The following CNTNAP5 variants were observed in gnomAD, a reference collection of about 807,000 sequenced individuals.
The protein encoded by CNTNAP5 is contactin associated protein family member 5.
Under a neutral mutation model 150.2 loss-of-function variants are expected in CNTNAP5, and 72 were observed. The observed-to-expected ratio is 0.48, with a 90% CI of 0.40 to 0.58. CNTNAP5 has a LOEUF of 0.58. Ranked by LOEUF, CNTNAP5 falls within the 20% of genes least tolerant of loss-of-function variation. The probability of loss-of-function intolerance (pLI) is 0.00; values close to 1 mark genes in which losing one functional copy is unlikely to be tolerated. For missense variants in CNTNAP5, 1,636 were observed against 1,626.2 expected, an observed-to-expected ratio of 1.01 and a Z score of -0.10; for synonymous variants, 672 against 619.8, an observed-to-expected ratio of 1.08 and a Z score of -1.25.
intron 3 of CNTNAP5, among the ~76,000 whole-genome samples, chr2:124,253,259 G>A (rs926297810): frequency 6.6e-5 from 10 of 151,974 alleles, no homozygotes; most frequent in African/African-American, 2.4e-4. Flanking sequence ...CCAAGAACTT[G>A]TAAAAGACAC....
chr2:124,789,814 A>ACTTAACT, intron 17 of CNTNAP5, 88 bp from the exon 18 acceptor site: 1 of 1,211,498 alleles, frequency 8.3e-7, no homozygotes, highest in Non-Finnish European at 1.2e-6. Flanking sequence ...ACAGAGAACT[A>ACTTAACT]CTTAACTCTT....
At chr2:124,865,259 T>G (rs1295922488) in intron 19 of CNTNAP5, 47 bp from the exon 20 acceptor site, 2 of 1,484,442 alleles carry the variant, frequency 1.3e-6, no homozygotes, top group African/African-American at 1.4e-5. Flanking sequence ...TCTTTGCATT[T>G]TATAGGTGCT....
At chr2:124,091,277 G>GGGGGCAGGTTGTCCAGGCCTGAATT (rs1682806594) in intron 1 of CNTNAP5, among the ~76,000 whole-genome samples, 1 of 152,180 alleles carries the variant, frequency 6.6e-6, no homozygotes, top group Non-Finnish European at 1.5e-5. Flanking sequence ...AATTTAGGGT[G>GGGGGCAGGTTGTCCAGGCCTGAATT]GGGGCAGGTT....
chr2:124,278,350 C>T (rs1207062221), intron 3 of CNTNAP5, among the ~76,000 whole-genome samples: 2 of 152,114 alleles, frequency 1.3e-5, no homozygotes, highest in South Asian at 2.1e-4. Context: ...AAAAGTAAGG[C>T]ATTTGCTCCT....
intron 21 of CNTNAP5, among the ~76,000 whole-genome samples, chr2:124,892,454 G>A (rs1196500117): frequency 1.3e-5 from 2 of 152,066 alleles, no homozygotes; most frequent in African/African-American, 4.8e-5. Context: ...TATACTGGCA[G>A]CCACCTCATC....
At chr2:124,895,679 A>G (rs778194744) in intron 21 of CNTNAP5, among the ~76,000 whole-genome samples, 1 of 151,604 alleles carries the variant, frequency 6.6e-6, no homozygotes, top group African/African-American at 2.4e-5. Flanking sequence ...CCCTTTCTTC[A>G]AGAAACTGAT....
chr2:124,082,565 A>G (rs1046146076), intron 1 of CNTNAP5, among the ~76,000 whole-genome samples: 11 of 152,210 alleles, frequency 7.2e-5, no homozygotes, highest in Non-Finnish European at 1.5e-4. Context: ...CTATCAAAAG[A>G]TAATACATTG....
At chr2:124,299,793 A>T (rs1442958149) in intron 3 of CNTNAP5, among the ~76,000 whole-genome samples, 3 of 152,182 alleles carry the variant, frequency 2.0e-5, no homozygotes, top group African/African-American at 7.2e-5. Context: ...TTATAATTGG[A>T]TGTGGATGAG....
At chr2:124,838,187 C>T (rs1682868663) in intron 19 of CNTNAP5, among the ~76,000 whole-genome samples, 1 of 152,156 alleles carries the variant, frequency 6.6e-6, no homozygotes, top group Admixed American at 6.6e-5. Flanking sequence ...GCCAGATACT[C>T]TTAAAGTGCT....
At chr2:124,773,341 T>A (rs530483264) in intron 17 of CNTNAP5, among the ~76,000 whole-genome samples, 1 of 152,294 alleles carries the variant, frequency 6.6e-6, no homozygotes, top group Non-Finnish European at 1.5e-5. Flanking sequence ...ACAGGACATG[T>A]CAACTCTTTA....
intron 6 of CNTNAP5, among the ~76,000 whole-genome samples, chr2:124,456,261 C>T (rs1354097735): frequency 2.6e-5 from 4 of 151,996 alleles, no homozygotes; most frequent in Non-Finnish European, 5.9e-5. Context: ...ACACCAACAG[C>T]GACAACGCTG....
intron 1 of CNTNAP5, among the ~76,000 whole-genome samples, chr2:124,089,619 A>C (rs1445222323): frequency 6.6e-6 from 1 of 152,204 alleles, no homozygotes; most frequent in Non-Finnish European, 1.5e-5. Flanking sequence ...TTAAAGGAGA[A>C]ATTATTTATC....
intron 1 of CNTNAP5, among the ~76,000 whole-genome samples, chr2:124,071,252 A>T (rs1036926369): frequency 6.6e-6 from 1 of 151,928 alleles, no homozygotes; most frequent in Non-Finnish European, 1.5e-5. Flanking sequence ...AATAAAAAAA[A>T]TAAGGGAAGC....
intron 6 of CNTNAP5, among the ~76,000 whole-genome samples, chr2:124,455,342 T>C (rs1693095124): frequency 6.6e-6 from 1 of 152,072 alleles, no homozygotes; most frequent in Non-Finnish European, 1.5e-5. Context: ...CTTCCTAGCT[T>C]ACATCAGGAA....
At chr2:124,156,335 A>T (rs1049870757) in intron 1 of CNTNAP5, among the ~76,000 whole-genome samples, 9 of 152,294 alleles carry the variant, frequency 5.9e-5, no homozygotes, top group African/African-American at 1.9e-4. Flanking sequence ...TGTGGGGAGT[A>T]AAATTCCCTT....
intron 1 of CNTNAP5, among the ~76,000 whole-genome samples, chr2:124,138,893 G>A (rs955804424): frequency 4.0e-5 from 6 of 151,606 alleles, no homozygotes; most frequent in African/African-American, 1.2e-4. Context: ...TCTAGAAGAA[G>A]CCATGTCCTG....
At chr2:124,423,936 T>A (rs984801508) in intron 4 of CNTNAP5, among the ~76,000 whole-genome samples, 2 of 152,060 alleles carry the variant, frequency 1.3e-5, no homozygotes, top group African/African-American at 4.8e-5. Context: ...AGTGCTGGGA[T>A]TACAGGCGTG....
At chr2:124,398,795 AG>A (rs1263297810) in intron 3 of CNTNAP5, among the ~76,000 whole-genome samples, 1 of 152,152 alleles carries the variant, frequency 6.6e-6, no homozygotes, top group Non-Finnish European at 1.5e-5. Context: ...TTTATCTTAA[AG>A]GTAATGAACT....
chr2:124,895,820 G>A (rs191747759), intron 21 of CNTNAP5, among the ~76,000 whole-genome samples: 1 of 151,606 alleles, frequency 6.6e-6, no homozygotes, highest in Non-Finnish European at 1.5e-5. Flanking sequence ...AGTGGGAGGA[G>A]GGAGGGGTGC....
Sources: gnomAD v4.1 joint callset for allele counts (sites outside exome capture counted in the v4.1 genomes callset) on GRCh38, gnomAD v4.1.1 for gene constraint, MANE v1.5 for transcripts, NCBI Gene and HGNC (gene_info 2026-07-23, HGNC 2026-07-21) for gene names.